Variants in BLMH observed in about 807,000 individuals in gnomAD.
BLMH encodes BLM hydrolase.
BLMH carries 32 observed loss-of-function variants against 61.6 expected under a neutral mutation model. The ratio of observed to expected loss-of-function variants is 0.52; its 90% CI spans 0.39 to 0.70. The LOEUF (loss-of-function observed/expected upper bound fraction) is 0.70. Among genes scored for constraint, BLMH ranks in the 30% least tolerant of loss-of-function variants. BLMH has a pLI of 0.00. For missense variants in BLMH, 460 were observed against 555.5 expected (o/e 0.83, Z 1.73); for synonymous variants, 183 against 193.8 (o/e 0.94, Z 0.46).
chr17:30,284,621 A>T (rs1363650896), intron 6 of BLMH, among the ~76,000 whole-genome samples: 1 of 152,206 alleles, frequency 6.6e-6, no homozygotes, highest in Non-Finnish European at 1.5e-5. Flanking sequence ...CTTGATCATA[A>T]ATAATATTAC....
intron 9 of BLMH, among the ~76,000 whole-genome samples, chr17:30,271,956 T>A (rs888442310): frequency 3.3e-5 from 5 of 152,214 alleles, no homozygotes; most frequent in East Asian, 1.9e-4. Flanking sequence ...TTTTCAAAAA[T>A]TTTTTAAACC....
Position 30,248,242 on chromosome 17 carries a change from A to G in BLMH, c.*775T>C, listed in dbSNP as rs1448849719. The G allele has an allele frequency of 6.6e-6, 1 of 152,614 alleles. No individual in the cohort carries two copies. Among genetic ancestry groups the G allele is most frequent in the Non-Finnish European group, 1.5e-5 (1 of 68,042 alleles). The allele number at this position is 152,614 out of a possible 1,614,324, so 9.5% of individuals were successfully genotyped here. A position where few individuals can be genotyped will look rare whatever the true frequency, so the allele number is the denominator to read the frequency against. Reference sequence around the variant, plus strand: ...AGTTTTTATTCAAAAGCTTCTCAGCACCATCTAGTTATCAGAAAGAATGGA... The same window carrying G: ...AGTTTTTATTCAAAAGCTTCTCAGCGCCATCTAGTTATCAGAAAGAATGGA... On this transcript the variant is annotated 3_prime_UTR_variant, in exon 12 of 12. Transcript: ENST00000261714.
intron 5 of BLMH, 22 bp downstream of exon 5, chr17:30,286,792 C>T (rs1461782755): frequency 6.6e-7 from 1 of 1,524,880 alleles, no homozygotes; most frequent in Non-Finnish European, 9.1e-7. Context: ...AACTCAATCC[C>T]ACCCTGCTTC....
chr17:30,258,249 C>A (rs1389481486), intron 11 of BLMH, among the ~76,000 whole-genome samples: 1 of 150,956 alleles, frequency 6.6e-6, no homozygotes, highest in Non-Finnish European at 1.5e-5. Context: ...AGGAAGAGAA[C>A]CAAAACCACC....
chr17:30,260,916 C>T (rs1156295922), intron 11 of BLMH, among the ~76,000 whole-genome samples: 1 of 151,990 alleles, frequency 6.6e-6, no homozygotes, highest in East Asian at 1.9e-4. Context: ...ACAAAAAGCC[C>T]TTATCAAAGA....
chr17:30,287,647 T>C lies in BLMH; in HGVS notation c.463+159A>G, dbSNP rs537324269. On this transcript the variant is annotated intron_variant, in intron 4 of 11. Coordinates refer to ENST00000261714, the MANE Select transcript of BLMH (RefSeq NM_000386.4). ...AATCCTCATTTAAGAAGGCACTTTA[T>C]AGGTGAGAATGTGAACTAAAGGTCC... Among the ~76,000 whole-genome samples the C allele has an allele frequency of 2.0e-5, 3 of 152,364 alleles. No homozygotes were observed. In the South Asian group the frequency reaches 6.2e-4, roughly 32 times the overall value.
At chr17:30,283,494 C>G (rs950656483) in intron 6 of BLMH, among the ~76,000 whole-genome samples, 1 of 151,342 alleles carries the variant, frequency 6.6e-6, no homozygotes, top group Non-Finnish European at 1.5e-5. Flanking sequence ...GTTTGCAGAA[C>G]CTTCATTCCT....
At position 30,256,256 on chromosome 17, in the gene BLMH, T is replaced by C. The variant is rs535043421; in HGVS notation, c.1217-7088A>G. Among the ~76,000 whole-genome samples the C allele has an allele frequency of 2.6e-5, 4 of 152,294 alleles. No individual in the cohort carries two copies. In the South Asian group the frequency reaches 8.3e-4, roughly 32 times the overall value. On this transcript the variant is annotated intron_variant, in intron 11 of 11. Transcript: ENST00000261714. ...CAGTTACAGTACACTCTATATTTTATATTGGTTGCAAACTTTTTTTCCTAT... is the reference window on the plus strand; with the variant it reads ...CAGTTACAGTACACTCTATATTTTACATTGGTTGCAAACTTTTTTTCCTAT...
intron 6 of BLMH, among the ~76,000 whole-genome samples, chr17:30,283,070 A>G (rs1326559105): frequency 1.3e-5 from 2 of 152,144 alleles, no homozygotes; most frequent in African/African-American, 4.8e-5. Flanking sequence ...TGGGTGGCTG[A>G]AGCAGCATTT....
At chr17:30,290,819 G>A (rs1908865106) in intron 2 of BLMH, among the ~76,000 whole-genome samples, 1 of 152,202 alleles carries the variant, frequency 6.6e-6, no homozygotes, top group African/African-American at 2.4e-5. Context: ...CTACTGGTGG[G>A]AACTGAGCCC....
intron 10 of BLMH, among the ~76,000 whole-genome samples, chr17:30,269,330 G>A (rs999706791): frequency 2.0e-5 from 3 of 151,088 alleles, no homozygotes; most frequent in African/African-American, 4.9e-5. Context: ...ACAGGTGCAC[G>A]CCACCATGCC....
In BLMH at chr17:30,264,104, T is replaced by C. The variant is rs1253998498; in HGVS notation, c.1216+2781A>G. On this transcript the variant is annotated intron_variant, in intron 11 of 11. Coordinates refer to ENST00000261714, the MANE Select transcript of BLMH (RefSeq NM_000386.4). ...CAAGTGTGCCAATTAAATTAGATCA[T>C]GTTTTCTTTCCTTCCTTCCTGTTAA... 5.3e-5 allele frequency among the ~76,000 whole-genome samples: 8 copies of C among 152,252 alleles called. No homozygotes were observed. In the South Asian group the frequency reaches 1.2e-3, roughly 24 times the overall value.
chr17:30,284,838 G>T (rs969008719), intron 6 of BLMH, among the ~76,000 whole-genome samples: 1 of 152,184 alleles, frequency 6.6e-6, no homozygotes, highest in African/African-American at 2.4e-5. Flanking sequence ...ATGATTCCCT[G>T]AAGGTTCTAT....
At chr17:30,288,032 G>A in intron 3 of BLMH, 85 bp from the exon 4 acceptor site, 2 of 1,313,576 alleles carry the variant, frequency 1.5e-6, no homozygotes, top group East Asian at 2.4e-5. Flanking sequence ...GGGAGTCTTG[G>A]AATTACCATG....
chr17:30,291,693 G>A, intron 1 of BLMH, 114 bp downstream of exon 1: 16 of 1,389,792 alleles, frequency 1.2e-5, no homozygotes, highest in Non-Finnish European at 1.5e-5. Flanking sequence ...TGCCCCGAAA[G>A]CTCCCTCCCC....
rs1597662380 is a variant in BLMH, at chr17:30,271,612, T to C, written c.1029-224A>G. On this transcript the variant is annotated intron_variant, in intron 9 of 11. Transcript: ENST00000261714. ...AAGAGTATGCAGGAAAAAAAGGAGA[T>C]GATTAAACATAAATTCTCCACATCA... is the stretch of plus-strand genomic sequence containing the variant. 7.8e-6 allele frequency: 3 copies of C among 383,154 alleles called. No individual in the cohort carries two copies. In the South Asian group the frequency reaches 2.0e-4, roughly 26 times the overall value. The allele number at this position is 383,154 out of a possible 1,614,324, so 23.7% of individuals were successfully genotyped here.
chr17:30,269,807 T>C lies in BLMH; in HGVS notation c.1146+1464A>G, dbSNP rs568385341. On this transcript the variant is annotated intron_variant, in intron 10 of 11. Transcript: ENST00000261714. ...GGATCAGGAGTATCAGCATTAAGAC[T>C]GCCTCTTAAGTTCAGGGCACCTTTA... Among the ~76,000 whole-genome samples the C allele has an allele frequency of 8.5e-5, 13 of 152,326 alleles. No individual in the cohort carries two copies. The South Asian group carries it at 2.7e-3, about 32-fold the overall frequency.
In BLMH at chr17:30,271,470, G is replaced by A. The variant is rs1439376013; in HGVS notation, c.1029-82C>T. 6.9e-6 allele frequency: 7 copies of A among 1,010,240 alleles called. No individual in the cohort carries two copies. In the African/African-American group the frequency reaches 9.5e-5, roughly 14 times the overall value. 62.6% of individuals were successfully genotyped at this position (1,010,240 alleles called of 1,614,324 possible). A position where few individuals can be genotyped will look rare whatever the true frequency, so the allele number is the denominator to read the frequency against. Reference sequence around the variant, plus strand: ...TTTTGGTTGTAAAAGGAATTCAGAAGAAACTGAAGGGGCTCAACAGCTCCA... The same window carrying A: ...TTTTGGTTGTAAAAGGAATTCAGAAAAAACTGAAGGGGCTCAACAGCTCCA... On this transcript the variant is annotated intron_variant, in intron 9 of 11. Coordinates refer to ENST00000261714, the MANE Select transcript of BLMH (RefSeq NM_000386.4).
At chr17:30,285,711 G>A (rs988264480) in intron 5 of BLMH, among the ~76,000 whole-genome samples, 1 of 152,190 alleles carries the variant, frequency 6.6e-6, no homozygotes, top group African/African-American at 2.4e-5. Context: ...AGACGGAACT[G>A]CTCCTTCTCT....
Sources: gnomAD v4.1 joint callset for allele counts (sites outside exome capture counted in the v4.1 genomes callset) on GRCh38, gnomAD v4.1.1 for gene constraint, MANE v1.5 for transcripts, NCBI Gene and HGNC (gene_info 2026-07-23, HGNC 2026-07-21) for gene names.